The following KDM4C variants were observed in gnomAD, a reference collection of about 807,000 sequenced individuals.
The protein encoded by KDM4C is lysine demethylase 4C, also known as lysine-specific demethylase 4C.
Under a neutral mutation model 129.3 loss-of-function variants are expected in KDM4C, and 81 were observed. The observed-to-expected ratio is 0.63, with a 90% CI of 0.52 to 0.75. The LOEUF (loss-of-function observed/expected upper bound fraction) is 0.75, where lower values mean the gene tolerates loss of function less well. Among genes scored for constraint, KDM4C ranks in the 30% least tolerant of loss-of-function variants. The pLI is 0.00. For missense variants in KDM4C, 1,457 were observed against 1,304.0 expected, an observed-to-expected ratio of 1.12 and a Z score of -1.81; for synonymous variants, 573 against 456.1, an observed-to-expected ratio of 1.26 and a Z score of -3.26.
chr9:6,781,144 T>C (rs1051631606), intron 1 of KDM4C, among the ~76,000 whole-genome samples: 5 of 152,196 alleles, frequency 3.3e-5, no homozygotes, highest in African/African-American at 4.8e-5. Flanking sequence ...TGCCTGAATT[T>C]ACCCCTGTAG....
chr9:6,758,256 G>A lies in KDM4C; in HGVS notation c.-18+53G>A, dbSNP rs1190230710. ...CAGGGCGGGGGGAGGGTCCGGAGAG[G>A]TCTTCCCGGCACTGCCCCCCTCCGC... On this transcript the variant is annotated intron_variant, in intron 1 of 21. Coordinates refer to ENST00000381309, the MANE Select transcript of KDM4C (RefSeq NM_015061.6). This position sits in a 1 kb window ranked among gnomAD's most constrained non-coding sequence, Gnocchi z 4.6. The A allele has an allele frequency of 3.5e-5, 34 of 963,256 alleles. No individual in the cohort carries two copies. The highest frequency in any genetic ancestry group is 4.2e-5 in the Non-Finnish European group (34 of 809,870). 59.7% of individuals were successfully genotyped at this position (963,256 alleles called of 1,614,324 possible). A position where few individuals can be genotyped will look rare whatever the true frequency, so the allele number is the denominator to read the frequency against.
intron 5 of KDM4C, among the ~76,000 whole-genome samples, chr9:6,868,443 C>G (rs1163623636): frequency 2.0e-5 from 3 of 152,138 alleles, no homozygotes; most frequent in Non-Finnish European, 2.9e-5. Context: ...TTGAGCCACC[C>G]CTCAGTATCC....
intron 6 of KDM4C, among the ~76,000 whole-genome samples, chr9:6,881,218 A>G (rs1844395703): frequency 6.6e-6 from 1 of 152,246 alleles, no homozygotes; most frequent in Admixed American, 6.5e-5. Context: ...TTTTCCCTAA[A>G]TTACAGAAGA....
chr9:6,858,584 G>T (rs924374366), intron 5 of KDM4C, among the ~76,000 whole-genome samples: 5 of 152,104 alleles, frequency 3.3e-5, no homozygotes, highest in Non-Finnish European at 7.4e-5. Flanking sequence ...GACCATCTTG[G>T]CCAACATAGC....
At chr9:6,792,865 G>A (rs766260569) in intron 1 of KDM4C, 107 bp from the exon 2 acceptor site, 1 of 1,099,022 alleles carries the variant, frequency 9.1e-7, no homozygotes. Context: ...AATGGGAAGT[G>A]ACTGAAAGAG....
intron 1 of KDM4C, among the ~76,000 whole-genome samples, chr9:6,770,907 C>G (rs1328857018): frequency 6.6e-6 from 1 of 150,866 alleles, no homozygotes; most frequent in Non-Finnish European, 1.5e-5. Flanking sequence ...TCCAGAGTAG[C>G]TGGGACTACA....
At chr9:7,137,084 C>T (rs1343511326) in intron 19 of KDM4C, among the ~76,000 whole-genome samples, 1 of 152,060 alleles carries the variant, frequency 6.6e-6, no homozygotes, top group African/African-American at 2.4e-5. Context: ...ACTTTGAAAC[C>T]ACTGGTTCAG....
chr9:6,731,897 A>G (rs1182419453), intron 1 of KDM4C, among the ~76,000 whole-genome samples: 1 of 152,172 alleles, frequency 6.6e-6, no homozygotes, highest in African/African-American at 2.4e-5. Context: ...CCAGTTGAAC[A>G]GAGACCATTT....
intron 19 of KDM4C, among the ~76,000 whole-genome samples, chr9:7,164,027 G>A (rs1046954167): frequency 6.6e-6 from 1 of 152,116 alleles, no homozygotes; most frequent in Non-Finnish European, 1.5e-5. Flanking sequence ...AATAGTACAT[G>A]GTAGATTTCC....
intron 17 of KDM4C, among the ~76,000 whole-genome samples, chr9:7,101,719 A>C (rs1339010029): frequency 6.6e-6 from 1 of 152,180 alleles, no homozygotes; most frequent in Non-Finnish European, 1.5e-5. Context: ...ATGGTGATGG[A>C]GGTTGGGAGA....
chr9:7,018,318 G>A (rs1824053768), intron 15 of KDM4C, among the ~76,000 whole-genome samples: 1 of 152,204 alleles, frequency 6.6e-6, no homozygotes, highest in African/African-American at 2.4e-5. Flanking sequence ...ACTGTCATGT[G>A]TGCAGTCCAT....
At chr9:6,981,218 C>G in intron 9 of KDM4C, 100 bp downstream of exon 9, 1 of 875,410 alleles carries the variant, frequency 1.1e-6, no homozygotes, top group Non-Finnish European at 1.7e-6. Context: ...TCTATTTATT[C>G]ATCATAACTT....
intron 8 of KDM4C, among the ~76,000 whole-genome samples, chr9:6,935,477 C>T (rs1037352783): frequency 1.3e-5 from 2 of 151,424 alleles, no homozygotes; most frequent in South Asian, 4.2e-4. Context: ...AGTGCAGTGG[C>T]ATGATCTCAG....
intron 19 of KDM4C, among the ~76,000 whole-genome samples, chr9:7,130,097 CT>C (rs1436449392): frequency 3.9e-5 from 6 of 152,198 alleles, no homozygotes; most frequent in Non-Finnish European, 8.8e-5. Flanking sequence ...TTCACCAGCC[CT>C]GTGCAGGCTA....
At chr9:7,089,707 C>T (rs1218533144) in intron 17 of KDM4C, among the ~76,000 whole-genome samples, 1 of 152,142 alleles carries the variant, frequency 6.6e-6, no homozygotes, top group Admixed American at 6.5e-5. Context: ...ACCAAATTTT[C>T]CTTGCTTAAA....
chr9:7,065,320 G>A (rs1832274848), intron 17 of KDM4C, among the ~76,000 whole-genome samples: 1 of 151,362 alleles, frequency 6.6e-6, no homozygotes, highest in African/African-American at 2.4e-5. Context: ...ATAATAAAAT[G>A]TTTTACTTAA....
At chr9:6,791,952 G>C (rs930582410) in intron 1 of KDM4C, among the ~76,000 whole-genome samples, 7 of 152,188 alleles carry the variant, frequency 4.6e-5, no homozygotes, top group African/African-American at 1.7e-4. Flanking sequence ...AACCCGGGAG[G>C]TCGAGGCTGT....
chr9:6,959,634 A>C (rs1829691438), intron 8 of KDM4C, among the ~76,000 whole-genome samples: 1 of 152,200 alleles, frequency 6.6e-6, no homozygotes, highest in African/African-American at 2.4e-5. Context: ...TTAAGAGTTT[A>C]TATTATAGTT....
At chr9:6,927,727 A>C (rs896523485) in intron 8 of KDM4C, among the ~76,000 whole-genome samples, 7 of 152,194 alleles carry the variant, frequency 4.6e-5, no homozygotes, top group Non-Finnish European at 1.0e-4. Context: ...ACAAGTGAAC[A>C]TGTCTCTCAG....
Sources: gnomAD v4.1 joint callset for allele counts (sites outside exome capture counted in the v4.1 genomes callset) on GRCh38, gnomAD v4.1.1 for gene constraint, Gnocchi (gnomAD v3.1) non-coding constraint, MANE v1.5 for transcripts, NCBI Gene and HGNC (gene_info 2026-07-23, HGNC 2026-07-21) for gene names.